Variants in TNPO1 observed in about 807,000 individuals in gnomAD.
The protein encoded by TNPO1 is transportin 1, also known as transportin-1.
A neutral mutation model predicts 119.5 loss-of-function variants in TNPO1; 8 were observed. The ratio of observed to expected loss-of-function variants is 0.07; its 90% CI spans 0.04 to 0.12. The LOEUF is 0.12. Ranked by LOEUF, TNPO1 falls within the 10% of genes least tolerant of loss-of-function variation. The pLI, the probability that TNPO1 is intolerant of heterozygous loss-of-function variation, is 1.00. For synonymous variants in TNPO1, 362 were observed against 363.0 expected, an observed-to-expected ratio of 1.00 and a Z score of 0.03; for missense variants, 576 against 1,089.8, an observed-to-expected ratio of 0.53 and a Z score of 6.64.
At chr5:72,836,045 T>C (rs957796518) in intron 1 of TNPO1, among the ~76,000 whole-genome samples, 1 of 152,264 alleles carries the variant, frequency 6.6e-6, no homozygotes, top group South Asian at 2.1e-4. Context: ...ATGGCTTTGC[T>C]GGGCACAGCC....
chr5:72,875,403 C>T (rs1747685789), intron 7 of TNPO1, among the ~76,000 whole-genome samples: 1 of 152,194 alleles, frequency 6.6e-6, no homozygotes. Flanking sequence ...TGATTGTACT[C>T]TATCAGAAAA....
At chr5:72,888,025 C>T (rs1401412785) in intron 12 of TNPO1, 53 bp from the exon 13 acceptor site, 3 of 1,543,048 alleles carry the variant, frequency 1.9e-6, no homozygotes, top group East Asian at 2.3e-5. Flanking sequence ...CATAATCAAC[C>T]AAAATAATGT....
At chr5:72,894,473 C>T (rs1749279064) in intron 18 of TNPO1, among the ~76,000 whole-genome samples, 1 of 152,216 alleles carries the variant, frequency 6.6e-6, no homozygotes, top group Non-Finnish European at 1.5e-5. Flanking sequence ...AGATCAAGAC[C>T]ATCCTGGCTA....
chr5:72,839,721 G>A (rs1285510815), intron 1 of TNPO1, among the ~76,000 whole-genome samples: 5 of 152,136 alleles, frequency 3.3e-5, no homozygotes, highest in Non-Finnish European at 7.4e-5. Context: ...GCTTATTAGA[G>A]TAAGAAATAA....
chr5:72,820,518 T>C (rs1743909511), intron 1 of TNPO1, among the ~76,000 whole-genome samples: 1 of 152,198 alleles, frequency 6.6e-6, no homozygotes, highest in African/African-American at 2.4e-5. Flanking sequence ...ACATTGTCAC[T>C]TTCATGTACA....
At chr5:72,877,134 C>T (rs1375334352) in intron 8 of TNPO1, 94 bp from the exon 9 acceptor site, 2 of 556,582 alleles carry the variant, frequency 3.6e-6, no homozygotes, top group Non-Finnish European at 6.1e-6. Context: ...AGGTTGAAAA[C>T]CATAAGGTCA....
Position 72,913,544 on chromosome 5 carries a change from A to G in TNPO1, c.*4871A>G, listed in dbSNP as rs182217990. The G allele has an allele frequency of 1.1e-3, 163 of 152,518 alleles. 1 individual carries two copies. The highest frequency in any genetic ancestry group is 3.9e-3 in the African/African-American group (160 of 41,526). 9.4% of individuals were successfully genotyped at this position (152,518 alleles called of 1,614,324 possible). On this transcript the variant is annotated 3_prime_UTR_variant, in exon 25 of 25. Coordinates refer to ENST00000337273, the MANE Select transcript of TNPO1 (RefSeq NM_002270.4). ...TACATTTTAAAACCAGGCCAAATCT[A>G]TTTGCCAAGCAGTGTATCACTAATA...
chr5:72,913,478 C>CT lies in TNPO1; in HGVS notation c.*4808dup, dbSNP rs1579963484. On this transcript the variant is annotated 3_prime_UTR_variant, in exon 25 of 25. Coordinates refer to ENST00000337273, the MANE Select transcript of TNPO1 (RefSeq NM_002270.4). Reference sequence around the variant, plus strand: ...GCATAATAGCTGAATGTATGCATGACTTTGAAAGAAGTTAAAATGGTGATT... The same window carrying CT: ...GCATAATAGCTGAATGTATGCATGACTTTTGAAAGAAGTTAAAATGGTGATT... The CT allele has an allele frequency of 6.6e-6, 1 of 152,412 alleles. No homozygotes were observed. Among genetic ancestry groups the CT allele is most frequent in the African/African-American group, 2.4e-5 (1 of 41,406 alleles). 9.4% of individuals were successfully genotyped at this position (152,412 alleles called of 1,614,324 possible).
chr5:72,900,188 A>T, intron 21 of TNPO1, 107 bp downstream of exon 21: 1 of 973,442 alleles, frequency 1.0e-6, no homozygotes, highest in Non-Finnish European at 1.6e-6. Flanking sequence ...ACAATCCTTT[A>T]TCATTGCCAA....
At chr5:72,854,738 G>A (rs888916937) in intron 3 of TNPO1, among the ~76,000 whole-genome samples, 16 of 152,144 alleles carry the variant, frequency 1.1e-4, no homozygotes, top group African/African-American at 3.9e-4. Flanking sequence ...TGGTAAAGCC[G>A]TCAGTTATGT....
Position 72,851,338 on chromosome 5 carries a change from G to A in TNPO1, c.205+19G>A, listed in dbSNP as rs764529730. ...TCTGAAGGTAAGTAGGATTTGTATTGATAACTATTTAAAGTTTCTTTAAGA... is the reference window on the plus strand; with the variant it reads ...TCTGAAGGTAAGTAGGATTTGTATTAATAACTATTTAAAGTTTCTTTAAGA... On this transcript the variant is annotated intron_variant, in intron 3 of 24. Coordinates refer to ENST00000337273, the MANE Select transcript of TNPO1 (RefSeq NM_002270.4). The A allele has an allele frequency of 7.2e-7, 1 of 1,395,734 alleles. No homozygotes were observed. Among genetic ancestry groups the A allele is most frequent in the South Asian group, 1.2e-5 (1 of 82,648 alleles). The allele number at this position is 1,395,734 out of a possible 1,614,324, so 86.5% of individuals were successfully genotyped here. A position where few individuals can be genotyped will look rare whatever the true frequency, so the allele number is the denominator to read the frequency against.
At chr5:72,869,773 C>T (rs1011189974) in intron 6 of TNPO1, among the ~76,000 whole-genome samples, 1 of 152,110 alleles carries the variant, frequency 6.6e-6, no homozygotes, top group Non-Finnish European at 1.5e-5. Flanking sequence ...AAAATTCATT[C>T]TTCACAAACA....
chr5:72,896,962 G>T, intron 19 of TNPO1, 94 bp from the exon 20 acceptor site: 1 of 580,564 alleles, frequency 1.7e-6, no homozygotes, highest in South Asian at 4.0e-5. Flanking sequence ...TATATGACAT[G>T]TCAGAGTTAA....
At chr5:72,902,210 A>C (rs1406193324) in intron 22 of TNPO1, among the ~76,000 whole-genome samples, 1 of 152,174 alleles carries the variant, frequency 6.6e-6, no homozygotes, top group Non-Finnish European at 1.5e-5. Flanking sequence ...CTTAATTTTC[A>C]AGAAAATTGA....
intron 5 of TNPO1, among the ~76,000 whole-genome samples, chr5:72,862,614 A>C (rs1459765971): frequency 6.6e-6 from 1 of 151,910 alleles, no homozygotes; most frequent in South Asian, 2.1e-4. Context: ...GGCATGAGCC[A>C]CTGCACTTCA....
intron 1 of TNPO1, chr5:72,825,676 G>A (rs1233324891): frequency 1.3e-5 from 2 of 152,350 alleles, no homozygotes; most frequent in African/African-American, 2.4e-5. Flanking sequence ...GACAGGGTGA[G>A]ACTCTGTCTC....
At chr5:72,861,749 C>A in intron 4 of TNPO1, 59 bp from the exon 5 acceptor site, 1 of 1,216,926 alleles carries the variant, frequency 8.2e-7, no homozygotes, top group Non-Finnish European at 1.2e-6. Context: ...CAGTTGCTCA[C>A]ATGGCAATGC....
At chr5:72,901,141 A>G in intron 22 of TNPO1, 68 bp downstream of exon 22, 2 of 950,798 alleles carry the variant, frequency 2.1e-6, no homozygotes, top group South Asian at 4.0e-5. Flanking sequence ...AAACATTCTA[A>G]TACTTTAATT....
intron 9 of TNPO1, among the ~76,000 whole-genome samples, chr5:72,881,344 C>T (rs1049405980): frequency 2.0e-5 from 3 of 152,148 alleles, no homozygotes; most frequent in African/African-American, 4.8e-5. Context: ...CTCCTGACCT[C>T]GTGATCCGCT....
Sources: gnomAD v4.1 joint callset for allele counts (sites outside exome capture counted in the v4.1 genomes callset) on GRCh38, gnomAD v4.1.1 for gene constraint, MANE v1.5 for transcripts, NCBI Gene and HGNC (gene_info 2026-07-23, HGNC 2026-07-21) for gene names.